Variants in VWA8 observed in about 807,000 individuals in gnomAD.
The protein encoded by VWA8 is von Willebrand factor A domain-containing protein 8.
Under a neutral mutation model 241.5 loss-of-function variants are expected in VWA8, and 221 were observed. The ratio of observed to expected loss-of-function variants is 0.91; its 90% CI spans 0.82 to 1.02. The LOEUF is 1.02. Ranked by LOEUF, VWA8 falls within the 50% of genes least tolerant of loss-of-function variation. VWA8 has a pLI of 0.00. For synonymous variants in VWA8, 852 were observed against 827.1 expected (o/e 1.03, Z -0.52); for missense variants, 2,322 against 2,328.7 (o/e 1.00, Z 0.06).
intron 2 of VWA8, among the ~76,000 whole-genome samples, chr13:41,937,814 T>C (rs1026324108): frequency 2.6e-5 from 4 of 152,148 alleles, no homozygotes; most frequent in Admixed American, 6.5e-5. Context: ...AAATTATACA[T>C]CTGCAATGAA....
At chr13:41,739,769 A>G (rs1446800942) in intron 21 of VWA8, among the ~76,000 whole-genome samples, 1 of 151,984 alleles carries the variant, frequency 6.6e-6, no homozygotes, top group Non-Finnish European at 1.5e-5. Flanking sequence ...ATTTTTAGCA[A>G]CAGGAGTTAA....
In VWA8 at chr13:41,729,554, G is replaced by C; in HGVS notation, c.2626C>G (p.Arg876Gly). ...NGEMILADGRRIVANSANVNG... is the reference protein window; with the variant it reads ...NGEMILADGRGIVANSANVNG... ...CTAAAATACTCACTTGCAACAATGCGTCTTCCATCTGCTAGAATCATTTCT... is the reference window on the plus strand; with the variant it reads ...CTAAAATACTCACTTGCAACAATGCCTCTTCCATCTGCTAGAATCATTTCT... Residue 876 changes from arginine to glycine, a missense_variant, in exon 23 of 45, where the codon CGC becomes GGC. Arg to Gly is a moderately radical substitution (Grantham distance 125). Transcript: ENST00000379310. 3.1e-6 allele frequency: 5 copies of C among 1,611,516 alleles called. No homozygotes were observed. Among genetic ancestry groups the C allele is most frequent in the Non-Finnish European group, 4.2e-6 (5 of 1,178,898 alleles).
At chr13:41,675,383 C>T (rs1360041781) in intron 35 of VWA8, 87 bp from the exon 36 acceptor site, 4 of 949,754 alleles carry the variant, frequency 4.2e-6, no homozygotes, top group African/African-American at 1.6e-5. Flanking sequence ...TTATCTGTAG[C>T]CTAGGGTAGA....
intron 1 of VWA8, among the ~76,000 whole-genome samples, chr13:41,959,736 G>C (rs1473999334): frequency 6.6e-6 from 1 of 151,200 alleles, no homozygotes; most frequent in African/African-American, 2.4e-5. Context: ...GGAGTAGCTG[G>C]GATTACTGGC....
chr13:41,936,378 T>A (rs1877350174), intron 2 of VWA8, among the ~76,000 whole-genome samples: 1 of 152,216 alleles, frequency 6.6e-6, no homozygotes, highest in Non-Finnish European at 1.5e-5. Context: ...TTCTATTGGA[T>A]CACATGGTTT....
intron 37 of VWA8, among the ~76,000 whole-genome samples, chr13:41,649,676 G>C (rs1481172458): frequency 6.6e-6 from 1 of 150,626 alleles, no homozygotes; most frequent in Non-Finnish European, 1.5e-5. Flanking sequence ...GGTGAGGGGA[G>C]AATGTTATTT....
intron 9 of VWA8, among the ~76,000 whole-genome samples, chr13:41,882,048 C>G (rs530082747): frequency 3.9e-4 from 49 of 124,654 alleles, no homozygotes; most frequent in Non-Finnish European, 1.2e-4. Flanking sequence ...ACTTCTCAGA[C>G]GGGCGGTTGC....
At chr13:41,955,297 A>C (rs977495659) in intron 1 of VWA8, among the ~76,000 whole-genome samples, 1 of 152,198 alleles carries the variant, frequency 6.6e-6, no homozygotes, top group Non-Finnish European at 1.5e-5. Flanking sequence ...GTTTACTTGA[A>C]CTAGACTCAA....
chr13:41,916,181 C>T (rs927491613), intron 2 of VWA8, among the ~76,000 whole-genome samples: 7 of 152,200 alleles, frequency 4.6e-5, no homozygotes, highest in African/African-American at 1.7e-4. Flanking sequence ...TGTCTAATAA[C>T]AGTAAATGCT....
chr13:41,767,526 T>C (rs999255887), intron 20 of VWA8, among the ~76,000 whole-genome samples: 2 of 152,200 alleles, frequency 1.3e-5, no homozygotes, highest in African/African-American at 4.8e-5. Context: ...TTTTCCAAAT[T>C]CTCTCAATAC....
chr13:41,735,731 C>G (rs1410295201), intron 21 of VWA8, among the ~76,000 whole-genome samples: 1 of 151,992 alleles, frequency 6.6e-6, no homozygotes, highest in Non-Finnish European at 1.5e-5. Flanking sequence ...CTATTGTCTG[C>G]ATAAGACTTA....
intron 40 of VWA8, among the ~76,000 whole-genome samples, chr13:41,603,770 G>A (rs1053096889): frequency 6.6e-6 from 1 of 152,074 alleles, no homozygotes; most frequent in Non-Finnish European, 1.5e-5. Flanking sequence ...CTATACCTCT[G>A]TGCACTTGTG....
At chr13:41,670,853 C>T (rs1026180786) in intron 37 of VWA8, 93 bp downstream of exon 37, 6 of 1,442,252 alleles carry the variant, frequency 4.2e-6, no homozygotes, top group Non-Finnish European at 4.8e-6. Context: ...ATTTTTGAGT[C>T]ACTGGCCCAG....
chr13:41,801,719 A>C (rs1344913694), intron 17 of VWA8, among the ~76,000 whole-genome samples: 1 of 152,244 alleles, frequency 6.6e-6, no homozygotes, highest in Non-Finnish European at 1.5e-5. Context: ...GTTTTGTCGA[A>C]TTTAGATATT....
chr13:41,614,041 C>T (rs2139662392), intron 38 of VWA8, among the ~76,000 whole-genome samples: 1 of 152,322 alleles, frequency 6.6e-6, no homozygotes, highest in East Asian at 1.9e-4. Flanking sequence ...GCCAGCTCGT[C>T]CCACAATGCA....
At chr13:41,885,783 C>T (rs972156975) in intron 8 of VWA8, 137 bp downstream of exon 8, 2 of 662,640 alleles carry the variant, frequency 3.0e-6, no homozygotes, top group South Asian at 4.4e-5. Flanking sequence ...CTGCACTGCA[C>T]AACAAATTAA....
chr13:41,605,320 A>G, intron 39 of VWA8, 44 bp from the exon 40 acceptor site: 1 of 1,590,374 alleles, frequency 6.3e-7, no homozygotes, highest in Non-Finnish European at 8.6e-7. Flanking sequence ...TAAATCACGT[A>G]TATGTGGGTT....
chr13:41,637,577 A>T lies in VWA8; in HGVS notation c.4612-22493T>A, dbSNP rs1419944209. Reference sequence around the variant, plus strand: ...TTAAAGTATAATAAAAAAAAGAAATAAAAAAAAATAAATAATAAAAAAAGA... The same window carrying T: ...TTAAAGTATAATAAAAAAAAGAAATTAAAAAAAATAAATAATAAAAAAAGA... On this transcript the variant is annotated intron_variant, in intron 37 of 44. Coordinates refer to ENST00000379310, the MANE Select transcript of VWA8 (RefSeq NM_015058.2). Among the ~76,000 whole-genome samples the T allele has an allele frequency of 2.1e-5, 3 of 146,330 alleles. No individual in the cohort carries two copies. The East Asian group carries it at 6.8e-4, about 33-fold the overall frequency.
intron 18 of VWA8, 54 bp from the exon 19 acceptor site, chr13:41,783,955 C>A: frequency 7.6e-7 from 1 of 1,318,196 alleles, no homozygotes; most frequent in Non-Finnish European, 1.1e-6. Context: ...CTCAGAGATG[C>A]CAAGCCACCC....
Sources: gnomAD v4.1 joint callset for allele counts (sites outside exome capture counted in the v4.1 genomes callset) on GRCh38, gnomAD v4.1.1 for gene constraint, MANE v1.5 for transcripts, NCBI Gene and HGNC (gene_info 2026-07-23, HGNC 2026-07-21) for gene names.